The following GIPR variants were observed in gnomAD, a reference collection of about 807,000 sequenced individuals.
GIPR encodes the protein gastric inhibitory polypeptide receptor.
GIPR carries 74 observed loss-of-function variants against 62.2 expected under a neutral mutation model. That is an observed-to-expected ratio of 1.19 (90% CI 0.99 to 1.44). The LOEUF (loss-of-function observed/expected upper bound fraction) is 1.44, where lower values mean the gene tolerates loss of function less well. Ranked by LOEUF, GIPR falls within the 40% of genes most tolerant of loss-of-function variation. The pLI is 0.00. For synonymous variants in GIPR, 256 were observed against 262.2 expected (o/e 0.98, Z 0.23); for missense variants, 664 against 611.8 (o/e 1.09, Z -0.90).
intron 7 of GIPR, 113 bp downstream of exon 7, chr19:45,674,939 G>C (rs771978870): frequency 8.9e-7 from 1 of 1,119,856 alleles, no homozygotes; most frequent in Admixed American, 1.7e-5. Flanking sequence ...TCTGAGTTGG[G>C]AGGGTCCCTC....
rs1400588485 is a variant in GIPR, at chr19:45,672,927, G to T, written c.357G>T (p.Glu119Asp). The change falls in exon 5 of 14, where the codon GAG (glutamate) becomes GAT (aspartate). Residue 119 changes from glutamate (E) to aspartate (D), a missense_variant. Glu to Asp is a conservative substitution (Grantham distance 45, BLOSUM62 2). Coordinates refer to ENST00000590918, the MANE Select transcript of GIPR (RefSeq NM_000164.4). Reference protein sequence around the residue: ...WGLWRDHTQCENPEKNEAFLD... With the variant: ...WGLWRDHTQCDNPEKNEAFLD... ...TTTGGAGAGACCATACACAATGTGA[G>T]AACCCAGAGAAGAATGAGGCCTTTC... 1.2e-6 allele frequency: 2 copies of T among 1,609,936 alleles called. No individual in the cohort carries two copies. Among genetic ancestry groups the T allele is most frequent in the East Asian group, 4.5e-5 (2 of 44,862 alleles).
chr19:45,678,409 G>A, intron 12 of GIPR, 183 bp downstream of exon 12: 1 of 756,938 alleles, frequency 1.3e-6, no homozygotes, highest in Non-Finnish European at 2.2e-6. Flanking sequence ...TGTCGCCCAG[G>A]CTGGAGTACA....
chr19:45,682,980 G>A lies in GIPR; in HGVS notation c.*1045G>A, dbSNP rs984116265. Reference sequence around the variant, plus strand: ...GTGATGGTGGCTGGACCAGGATGGAGGCCACTGAGGGGTATGAAGCAGTCG... The same window carrying A: ...GTGATGGTGGCTGGACCAGGATGGAAGCCACTGAGGGGTATGAAGCAGTCG... On this transcript the variant is annotated 3_prime_UTR_variant, in exon 14 of 14. Coordinates refer to ENST00000590918, the MANE Select transcript of GIPR (RefSeq NM_000164.4). 2.6e-5 allele frequency: 4 copies of A among 152,688 alleles called. No individual in the cohort carries two copies. The highest frequency in any genetic ancestry group is 9.7e-5 in the African/African-American group (4 of 41,442). The allele number at this position is 152,688 out of a possible 1,614,324, so 9.5% of individuals were successfully genotyped here. A position where few individuals can be genotyped will look rare whatever the true frequency, so the allele number is the denominator to read the frequency against.
chr19:45,671,572 TA>T (rs1568517838), intron 4 of GIPR, among the ~76,000 whole-genome samples, 180 bp downstream of exon 4: 1 of 152,166 alleles, frequency 6.6e-6, no homozygotes, highest in Non-Finnish European at 1.5e-5. Context: ...CTATCTCACA[TA>T]ACGCAGCTTC....
chr19:45,671,164 G>T, intron 3 of GIPR, 121 bp from the exon 4 acceptor site: 4 of 731,308 alleles, frequency 5.5e-6, no homozygotes, highest in Admixed American at 1.9e-5. Context: ...AGCCGGGCTT[G>T]GTGTGGCCGG....
intron 12 of GIPR, among the ~76,000 whole-genome samples, chr19:45,679,961 G>A (rs1967140385): frequency 1.3e-5 from 2 of 151,910 alleles, no homozygotes. Context: ...GTAGAGATGG[G>A]GTTTCAACAT....
At chr19:45,671,996 C>T (rs1285337324) in intron 4 of GIPR, among the ~76,000 whole-genome samples, 1 of 151,022 alleles carries the variant, frequency 6.6e-6, no homozygotes, top group South Asian at 2.1e-4. Flanking sequence ...CTAGCTATGT[C>T]GCCTCAGACA....
In GIPR at chr19:45,674,120, G is replaced by C. The variant is rs754919812; in HGVS notation, c.431G>C (p.Gly144Ala). ...LERLQVMYTV[G>A]YSLSLATLLL... ...CGGTTGCAGGTCATGTACACTGTCG[G>C]CTACTCCCTGTCTCTCGCCACACTG... The change falls in exon 6 of 14, where the codon GGC becomes GCC. Residue 144 changes from glycine to alanine, a missense_variant. Coordinates refer to ENST00000590918, the MANE Select transcript of GIPR (RefSeq NM_000164.4). The C allele has an allele frequency of 8.7e-6, 14 of 1,613,772 alleles. No homozygotes were observed. The highest frequency in any genetic ancestry group is 1.2e-5 in the Non-Finnish European group (14 of 1,179,730).
intron 12 of GIPR, among the ~76,000 whole-genome samples, chr19:45,680,445 C>A (rs747107019): frequency 6.6e-6 from 1 of 151,912 alleles, no homozygotes; most frequent in Non-Finnish European, 1.5e-5. Flanking sequence ...GAGGATCCCT[C>A]TAGCTCAGGA....
chr19:45,672,186 T>TA (rs1555774694), intron 4 of GIPR, among the ~76,000 whole-genome samples: 2 of 150,914 alleles, frequency 1.3e-5, no homozygotes, highest in Non-Finnish European at 3.0e-5. Context: ...CTAATTTTTT[T>TA]TAAAAAATTG....
chr19:45,676,573 A>G (rs1966934604), intron 7 of GIPR, among the ~76,000 whole-genome samples: 1 of 151,368 alleles, frequency 6.6e-6, no homozygotes, highest in South Asian at 2.1e-4. Context: ...AGCTGGGATT[A>G]CAGGCGCCTG....
At chr19:45,669,322 C>A (rs561195151) in intron 1 of GIPR, among the ~76,000 whole-genome samples, 155 bp from the exon 2 acceptor site, 2 of 152,346 alleles carry the variant, frequency 1.3e-5, no homozygotes, top group African/African-American at 4.8e-5. Context: ...CAGATCATCA[C>A]GCCTGGGAGT....
Position 45,681,924 on chromosome 19 carries a change from A to G in GIPR, c.1390A>G (p.Ser464Gly), listed in dbSNP as rs1227407742. The G allele has an allele frequency of 1.3e-6, 2 of 1,559,386 alleles. No homozygotes were observed. The highest frequency in any genetic ancestry group is 1.2e-5 in the South Asian group (1 of 84,710). The change falls in exon 14 of 14, where the codon AGT (serine) becomes GGT (glycine). Residue 464 changes from serine (S) to glycine (G), a missense_variant. Coordinates refer to ENST00000590918, the MANE Select transcript of GIPR (RefSeq NM_000164.4). ...PGNEASRELE[S>G]YC ...GAATGAGGCCAGCCGGGAGTTGGAA[A>G]GTTACTGCTAGGGGGCGGGATCCCC... is the stretch of plus-strand genomic sequence containing the variant.
intron 5 of GIPR, among the ~76,000 whole-genome samples, chr19:45,673,526 T>C (rs960572882): frequency 6.6e-6 from 1 of 151,998 alleles, no homozygotes; most frequent in Non-Finnish European, 1.5e-5. Flanking sequence ...ACGCAGGATT[T>C]TGAGACCAGC....
chr19:45,680,027 C>T (rs1183329937), intron 12 of GIPR, among the ~76,000 whole-genome samples: 1 of 152,138 alleles, frequency 6.6e-6, no homozygotes, highest in Admixed American at 6.6e-5. Context: ...GCTTCAGCCT[C>T]CCAAAGCGCC....
chr19:45,677,438 T>G, intron 9 of GIPR, 55 bp downstream of exon 9: 1 of 1,210,318 alleles, frequency 8.3e-7, no homozygotes, highest in South Asian at 1.3e-5. Context: ...TTTGAGGGAC[T>G]GTGGCGGGTT....
chr19:45,669,655 G>A (rs957821064), intron 2 of GIPR, 63 bp downstream of exon 2: 4 of 1,531,416 alleles, frequency 2.6e-6, no homozygotes, highest in African/African-American at 1.4e-5. Context: ...CGGTTTTAGG[G>A]CTTCCGTCGT....
intron 5 of GIPR, among the ~76,000 whole-genome samples, chr19:45,673,796 C>T (rs531673386): frequency 2.6e-5 from 4 of 150,962 alleles, no homozygotes; most frequent in Admixed American, 6.6e-5. Context: ...CCCTGGGGGG[C>T]GAGGCTGCAG....
Position 45,677,265 on chromosome 19 carries a change from C to T in GIPR, c.794-58C>T, listed in dbSNP as rs1474328321. ...TCCGCGGGTCTTGGGCCTGGCGGGG[C>T]CCGTGAGCGCGCTGACAGCTGCGGC... On this transcript the variant is annotated intron_variant, in intron 8 of 13. Transcript: ENST00000590918. 19 of 1,400,980 alleles carry T rather than the reference C, an allele frequency of 1.4e-5. 1 individual carries two copies. The East Asian group carries it at 2.0e-4, about 15-fold the overall frequency. The allele number at this position is 1,400,980 out of a possible 1,614,324, so 86.8% of individuals were successfully genotyped here. A position where few individuals can be genotyped will look rare whatever the true frequency, so the allele number is the denominator to read the frequency against.
Sources: gnomAD v4.1 joint callset for allele counts (sites outside exome capture counted in the v4.1 genomes callset) on GRCh38, gnomAD v4.1.1 for gene constraint, MANE v1.5 for transcripts, NCBI Gene and HGNC (gene_info 2026-07-23, HGNC 2026-07-21) for gene names.